PARD3: variants seen among roughly 807,000 people sequenced by gnomAD.
PARD3 encodes the protein par-3 family cell polarity regulator, also known as partitioning defective 3 homolog.
PARD3 carries 75 observed loss-of-function variants against 155.4 expected under a neutral mutation model. That is an observed-to-expected ratio of 0.48 (90% CI 0.40 to 0.58). The LOEUF is 0.58. Ranked by LOEUF, PARD3 falls within the 20% of genes least tolerant of loss-of-function variation. PARD3 has a pLI of 0.00. For missense variants in PARD3, 1,642 were observed against 1,721.7 expected (o/e 0.95, Z 0.82); for synonymous variants, 576 against 610.5 (o/e 0.94, Z 0.83).
intron 2 of PARD3, chr10:34,675,591 C>CTTT (rs112555249): frequency 1.1e-4 from 16 of 143,310 alleles, no homozygotes; most frequent in African/African-American, 4.1e-4. Flanking sequence ...AATACCCCAA[C>CTTT]TTTTTTTTTT....
At chr10:34,680,973 T>G (rs906263965) in intron 2 of PARD3, among the ~76,000 whole-genome samples, 52 of 148,384 alleles carry the variant, frequency 3.5e-4, no homozygotes, top group Non-Finnish European at 5.6e-4. Flanking sequence ...ACCCTAAAAC[T>G]TAAAGTATAA....
intron 1 of PARD3, among the ~76,000 whole-genome samples, chr10:34,762,975 A>G (rs1243876639): frequency 6.6e-6 from 1 of 152,224 alleles, no homozygotes; most frequent in East Asian, 1.9e-4. Context: ...ATACACTGAG[A>G]ATTTTCATGC....
chr10:34,389,743 C>A (rs1241961727), intron 7 of PARD3, among the ~76,000 whole-genome samples: 1 of 152,150 alleles, frequency 6.6e-6, no homozygotes, highest in Non-Finnish European at 1.5e-5. Context: ...CAACTACCTA[C>A]ATGAGCCCAG....
intron 1 of PARD3, among the ~76,000 whole-genome samples, chr10:34,810,093 T>TA (rs1219721532): frequency 6.6e-6 from 1 of 152,132 alleles, no homozygotes; most frequent in Non-Finnish European, 1.5e-5. Context: ...CTCAACTTTT[T>TA]AAAAAATACA....
chr10:34,188,747 G>A (rs1230670615), intron 22 of PARD3, among the ~76,000 whole-genome samples: 4 of 140,222 alleles, frequency 2.9e-5, no homozygotes, highest in Non-Finnish European at 6.3e-5. Flanking sequence ...ACTTAAAATC[G>A]CTTTTTTTTT....
At chr10:34,371,535 AC>A (rs1840659431) in intron 12 of PARD3, among the ~76,000 whole-genome samples, 1 of 105,704 alleles carries the variant, frequency 9.5e-6, no homozygotes, top group Non-Finnish European at 2.0e-5. Flanking sequence ...AAAAAAAACA[AC>A]GAAGGAATAT....
chr10:34,779,132 G>A (rs904190421), intron 1 of PARD3, among the ~76,000 whole-genome samples: 2 of 151,178 alleles, frequency 1.3e-5, no homozygotes, highest in Admixed American at 6.6e-5. Flanking sequence ...CCAACATGGC[G>A]AAACCCTGTC....
At chr10:34,277,172 T>C (rs1955926324) in intron 21 of PARD3, among the ~76,000 whole-genome samples, 1 of 152,078 alleles carries the variant, frequency 6.6e-6, no homozygotes, top group Non-Finnish European at 1.5e-5. Flanking sequence ...CAGAAATTGA[T>C]CAAATAAAAC....
chr10:34,218,207 G>A (rs572461560), intron 22 of PARD3, among the ~76,000 whole-genome samples: 1 of 152,264 alleles, frequency 6.6e-6, no homozygotes, highest in Admixed American at 6.5e-5. Flanking sequence ...CAACCCATTA[G>A]ACTCTATTCT....
intron 22 of PARD3, among the ~76,000 whole-genome samples, chr10:34,157,866 T>C (rs1949088264): frequency 6.6e-6 from 1 of 152,226 alleles, no homozygotes; most frequent in Non-Finnish European, 1.5e-5. Context: ...ATTCTGTTTA[T>C]TGTGTTAACT....
At chr10:34,496,549 C>A (rs1292413045) in intron 3 of PARD3, among the ~76,000 whole-genome samples, 1 of 152,176 alleles carries the variant, frequency 6.6e-6, no homozygotes, top group East Asian at 1.9e-4. Flanking sequence ...TAAGACTCTA[C>A]ATCCACCTAT....
chr10:34,438,726 G>T (rs770088198), intron 5 of PARD3, among the ~76,000 whole-genome samples: 1 of 152,084 alleles, frequency 6.6e-6, no homozygotes, highest in Non-Finnish European at 1.5e-5. Context: ...AAATAAAAAA[G>T]AAACAAAAGA....
At chr10:34,755,809 A>G (rs1201359837) in intron 1 of PARD3, among the ~76,000 whole-genome samples, 2 of 152,118 alleles carry the variant, frequency 1.3e-5, no homozygotes, top group African/African-American at 4.8e-5. Flanking sequence ...CAATCAACCA[A>G]TTACAAAACT....
intron 19 of PARD3, among the ~76,000 whole-genome samples, chr10:34,319,048 G>C (rs973050200): frequency 1.0e-4 from 15 of 150,642 alleles, no homozygotes; most frequent in Non-Finnish European, 2.2e-4. Context: ...CAAAGTGCTG[G>C]GATTACAGGA....
At chr10:34,178,498 T>G (rs561243983) in intron 22 of PARD3, among the ~76,000 whole-genome samples, 3 of 152,286 alleles carry the variant, frequency 2.0e-5, no homozygotes, top group Non-Finnish European at 4.4e-5. Flanking sequence ...GACAGCATGT[T>G]TCACAAACAT....
At chr10:34,167,625 G>GA (rs147810894) in intron 22 of PARD3, among the ~76,000 whole-genome samples, 13,717 of 151,748 alleles carry the variant, frequency 0.09, 1,367 homozygotes, top group African/African-American at 0.25. Flanking sequence ...CATCTGAAAT[G>GA]AAAAAAATAT....
At chr10:34,136,295 T>C (rs1947892212) in intron 22 of PARD3, among the ~76,000 whole-genome samples, 1 of 152,216 alleles carries the variant, frequency 6.6e-6, no homozygotes, top group African/African-American at 2.4e-5. Context: ...AACCTGGGTA[T>C]CCTTCCTTGC....
chr10:34,728,027 T>A (rs2094750033), intron 1 of PARD3, among the ~76,000 whole-genome samples: 1 of 152,294 alleles, frequency 6.6e-6, no homozygotes, highest in East Asian at 1.9e-4. Context: ...ACAAGATCCT[T>A]GCAATGCATT....
At chr10:34,417,093 A>G (rs1470410633) in intron 5 of PARD3, among the ~76,000 whole-genome samples, 2 of 152,202 alleles carry the variant, frequency 1.3e-5, no homozygotes, top group East Asian at 3.9e-4. Context: ...CCCAATCAGT[A>G]GCACCAATTC....
Sources: gnomAD v4.1 joint callset for allele counts (sites outside exome capture counted in the v4.1 genomes callset) on GRCh38, gnomAD v4.1.1 for gene constraint, MANE v1.5 for transcripts, NCBI Gene and HGNC (gene_info 2026-07-23, HGNC 2026-07-21) for gene names.